Variants in LCK observed in about 807,000 individuals in gnomAD.
LCK encodes the protein LCK proto-oncogene, Src family tyrosine kinase, also known as tyrosine-protein kinase Lck.
Under a neutral mutation model 64.6 loss-of-function variants are expected in LCK, and 14 were observed. The observed-to-expected ratio is 0.22, with a 90% CI of 0.14 to 0.34. The LOEUF is 0.34. Among genes scored for constraint, LCK ranks in the 10% least tolerant of loss-of-function variants. The pLI, the probability that LCK is intolerant of heterozygous loss-of-function variation, is 1.00. For synonymous variants in LCK, 277 were observed against 263.6 expected, an observed-to-expected ratio of 1.05 and a Z score of -0.49; for missense variants, 434 against 668.1, an observed-to-expected ratio of 0.65 and a Z score of 3.86.
chr1:32,259,300 A>AAAAG (rs770531671), intron 1 of LCK, among the ~76,000 whole-genome samples: 3 of 149,236 alleles, frequency 2.0e-5, no homozygotes, highest in African/African-American at 7.3e-5. Context: ...AAAAAAAAAA[A>AAAAG]AAGAAAAAGA....
At chr1:32,255,407 T>C (rs879342081) in intron 1 of LCK, among the ~76,000 whole-genome samples, 3 of 152,260 alleles carry the variant, frequency 2.0e-5, no homozygotes, top group Non-Finnish European at 4.4e-5. Context: ...CAAATAGGCA[T>C]ATACTCTGCA....
intron 1 of LCK, among the ~76,000 whole-genome samples, chr1:32,271,461 G>A (rs1290704202): frequency 6.6e-6 from 1 of 152,116 alleles, no homozygotes. Flanking sequence ...AGGATCACTT[G>A]AAGCCAAGAA....
intron 9 of LCK, among the ~76,000 whole-genome samples, chr1:32,277,682 C>T (rs1400024376): frequency 6.6e-6 from 1 of 152,180 alleles, no homozygotes; most frequent in African/African-American, 2.4e-5. Flanking sequence ...TCTAAATGGG[C>T]TCACCAGAAA....
intron 2 of LCK, 42 bp downstream of exon 2, chr1:32,274,476 A>G (rs760410528): frequency 2.7e-6 from 4 of 1,494,222 alleles, no homozygotes; most frequent in Admixed American, 1.8e-5. Flanking sequence ...AGTTGGGTAG[A>G]GAATGCAACC....
intron 1 of LCK, among the ~76,000 whole-genome samples, chr1:32,271,860 G>A (rs1252641599): frequency 6.6e-6 from 1 of 152,182 alleles, no homozygotes; most frequent in East Asian, 1.9e-4. Context: ...AAAGGTATGG[G>A]AGAGGCAGTG....
chr1:32,280,683 CT>C (rs930001582), intron 12 of LCK, among the ~76,000 whole-genome samples: 28 of 152,130 alleles, frequency 1.8e-4, no homozygotes, highest in African/African-American at 6.5e-4. Flanking sequence ...CCTCAATCTC[CT>C]GACCTCGTGA....
Position 32,276,683 on chromosome 1 carries a change from C to T in LCK, c.861C>T (p.Ala287=). 1.9e-6 allele frequency: 3 copies of T among 1,614,054 alleles called. No homozygotes were observed. The highest frequency in any genetic ancestry group is 2.5e-6 in the Non-Finnish European group (3 of 1,180,006). The change falls in exon 9 of 13, where the codon GCC becomes GCT. Residue 287 remains alanine (A), a synonymous_variant. Coordinates refer to ENST00000336890, the MANE Select transcript of LCK (RefSeq NM_005356.5). This position sits in a 1 kb window ranked among gnomAD's most constrained non-coding sequence, Gnocchi z 4.6. ...QGSMSPDAFL[A]EANLMKQLQH... ...GCATGTCCCCGGACGCCTTCCTGGCCGAGGCCAACCTCATGAAGCAGCTGC... is the reference window on the plus strand; with the variant it reads ...GCATGTCCCCGGACGCCTTCCTGGCTGAGGCCAACCTCATGAAGCAGCTGC...
chr1:32,266,586 TTCC>T (rs143201025), intron 1 of LCK, among the ~76,000 whole-genome samples: 12,134 of 139,498 alleles, frequency 0.087, 1,911 homozygotes, highest in African/African-American at 0.31. Context: ...ACGCCCTTTC[TTCC>T]TCCTCCTCCT....
Position 32,276,184 on chromosome 1 carries a change from A to AC in LCK, c.631+121_631+122insC. The AC allele has an allele frequency of 6.9e-7, 1 of 1,452,514 alleles. No individual in the cohort carries two copies. The highest frequency in any genetic ancestry group is 9.4e-7 in the Non-Finnish European group (1 of 1,064,824). 90.0% of individuals were successfully genotyped at this position (1,452,514 alleles called of 1,614,324 possible). ...ATTCCCCGCAGTGGGTGAGGTGTGGAACCTGACCCTACGGCCCCAAGTGTT... is the reference window on the plus strand; with the variant it reads ...ATTCCCCGCAGTGGGTGAGGTGTGGACACCTGACCCTACGGCCCCAAGTGTT... On this transcript the variant is annotated intron_variant, in intron 7 of 12. Coordinates refer to ENST00000336890, the MANE Select transcript of LCK (RefSeq NM_005356.5). This position sits in a 1 kb window ranked among gnomAD's most constrained non-coding sequence, Gnocchi z 4.6.
rs1410496327 is a variant in LCK, at chr1:32,251,778, A to T, written c.-6+407A>T. Among the ~76,000 whole-genome samples, 1 of 152,098 alleles carries T rather than the reference A, an allele frequency of 6.6e-6. No homozygotes were observed. Among genetic ancestry groups the T allele is most frequent in the Non-Finnish European group, 1.5e-5 (1 of 67,996 alleles). ...CAAGGCAGTGGCAGGGCTGAGAGTGATGGCTGAGGCTGTGGCCACCCCGCC... is the reference window on the plus strand; with the variant it reads ...CAAGGCAGTGGCAGGGCTGAGAGTGTTGGCTGAGGCTGTGGCCACCCCGCC... On this transcript the variant is annotated intron_variant, in intron 1 of 12. Transcript: ENST00000336890. The surrounding 1 kb of genome is among the most constrained non-coding windows in gnomAD (Gnocchi z 4.0).
At position 32,275,385 on chromosome 1, in the gene LCK, T is replaced by C. The variant is rs1429066934; in HGVS notation, c.343T>C (p.Phe115Leu). The change falls in exon 5 of 13, where the codon TTT (phenylalanine) becomes CTT (leucine). Residue 115 changes from phenylalanine (F) to leucine (L), a missense_variant. Transcript: ENST00000336890. This position sits in a 1 kb window ranked among gnomAD's most constrained non-coding sequence, Gnocchi z 6.9. ...CCAGGAAGGCTTCATCCCCTTCAAT[T>C]TTGTGGCCAAAGCGAACAGCCTGGA... ...TGQEGFIPFN[F>L]VAKANSLEPE... 8 of 1,613,972 alleles carry C rather than the reference T, an allele frequency of 5.0e-6. No homozygotes were observed. Among genetic ancestry groups the C allele is most frequent in the Non-Finnish European group, 6.8e-6 (8 of 1,180,008 alleles).
intron 1 of LCK, among the ~76,000 whole-genome samples, chr1:32,267,751 G>A (rs1266616523): frequency 5.3e-5 from 8 of 151,814 alleles, no homozygotes; most frequent in South Asian, 2.1e-4. Context: ...AGAATTAGCC[G>A]GGTGTGGTGG....
chr1:32,275,796 G>A lies in LCK; in HGVS notation c.482-118G>A. The A allele has an allele frequency of 1.4e-6, 2 of 1,427,704 alleles. No individual in the cohort carries two copies. The highest frequency in any genetic ancestry group is 2.4e-5 in the East Asian group (1 of 42,028). 88.4% of individuals were successfully genotyped at this position (1,427,704 alleles called of 1,614,324 possible). Reference sequence around the variant, plus strand: ...GAGGGGGACGCGGGATGAGCCCGAGGTGGGGGCGCGGGATGACCCGGAGTT... The same window carrying A: ...GAGGGGGACGCGGGATGAGCCCGAGATGGGGGCGCGGGATGACCCGGAGTT... On this transcript the variant is annotated intron_variant, in intron 6 of 12. Transcript: ENST00000336890. This position sits in a 1 kb window ranked among gnomAD's most constrained non-coding sequence, Gnocchi z 6.9.
At chr1:32,253,221 C>T (rs965334381) in intron 1 of LCK, among the ~76,000 whole-genome samples, 4 of 152,052 alleles carry the variant, frequency 2.6e-5, no homozygotes, top group African/African-American at 4.8e-5. Context: ...CAAAATTAGC[C>T]GAGCGTGGTG....
chr1:32,266,230 C>T (rs1006449803), intron 1 of LCK, among the ~76,000 whole-genome samples: 9 of 152,008 alleles, frequency 5.9e-5, no homozygotes, highest in African/African-American at 1.9e-4. Context: ...CGGTGGCTCA[C>T]GCCTGTGATC....
intron 12 of LCK, among the ~76,000 whole-genome samples, chr1:32,282,523 G>T (rs1640491482): frequency 6.6e-6 from 1 of 152,176 alleles, no homozygotes; most frequent in Middle Eastern, 3.4e-3. Context: ...AGCACTCTAG[G>T]GGCTGGGCAC....
chr1:32,266,489 G>A (rs1440950329), intron 1 of LCK, among the ~76,000 whole-genome samples: 16 of 135,904 alleles, frequency 1.2e-4, no homozygotes, highest in South Asian at 1.0e-3. Context: ...GCAACAGAGC[G>A]AGACTCTGTC....
At chr1:32,269,848 A>G (rs1640030607) in intron 1 of LCK, among the ~76,000 whole-genome samples, 1 of 152,220 alleles carries the variant, frequency 6.6e-6, no homozygotes, top group South Asian at 2.1e-4. Context: ...AGAATTGTGC[A>G]CTGGTGAAAG....
At chr1:32,253,672 CCA>C in intron 1 of LCK, among the ~76,000 whole-genome samples, 1 of 152,292 alleles carries the variant, frequency 6.6e-6, no homozygotes, top group South Asian at 2.1e-4. Flanking sequence ...CAAATTATGC[CCA>C]CTCAGCACCT....
Sources: allele counts gnomAD v4.1 joint callset (sites outside exome capture counted in the v4.1 genomes callset), GRCh38; gene constraint gnomAD v4.1.1; non-coding constraint Gnocchi (gnomAD v3.1); transcripts MANE v1.5; gene names NCBI Gene and HGNC (gene_info 2026-07-23, HGNC 2026-07-21).